CD274: variants seen among roughly 807,000 people sequenced by gnomAD.
CD274 encodes the protein CD274 molecule, also known as programmed cell death 1 ligand 1.
A neutral mutation model predicts 30.1 loss-of-function variants in CD274; 8 were observed. That is an observed-to-expected ratio of 0.27 (90% CI 0.16 to 0.48). CD274 has a LOEUF of 0.48. Among genes scored for constraint, CD274 ranks in the 20% least tolerant of loss-of-function variants. The pLI is 0.99. For synonymous variants in CD274, 152 were observed against 124.6 expected (o/e 1.22, Z -1.46); for missense variants, 353 against 346.6 (o/e 1.02, Z -0.15).
chr9:5,454,407 C>A (rs1333703629), intron 1 of CD274, among the ~76,000 whole-genome samples: 1 of 152,074 alleles, frequency 6.6e-6, no homozygotes, highest in Non-Finnish European at 1.5e-5. Flanking sequence ...TAAACACACA[C>A]ACACACTTTT....
In CD274 at chr9:5,468,974, A is replaced by C. The variant is rs1819542335; in HGVS notation, c.*1112A>C. The C allele has an allele frequency of 4.3e-6, 1 of 233,050 alleles. No individual in the cohort carries two copies. 14.4% of individuals were successfully genotyped at this position (233,050 alleles called of 1,614,324 possible). A position where few individuals can be genotyped will look rare whatever the true frequency, so the allele number is the denominator to read the frequency against. On this transcript the variant is annotated 3_prime_UTR_variant, in exon 7 of 7. Coordinates refer to ENST00000381577, the MANE Select transcript of CD274 (RefSeq NM_014143.4). ...TCAAGGAGCTCATAGTATAATGAGG[A>C]GATTAACAAGAAAATGTATTATTAC... is the stretch of plus-strand genomic sequence containing the variant.
chr9:5,457,551 A>G (rs917164252), intron 3 of CD274, 131 bp downstream of exon 3: 20 of 696,544 alleles, frequency 2.9e-5, no homozygotes, highest in African/African-American at 2.7e-4. Context: ...CATTCATTCA[A>G]TTCATGAATT....
intron 6 of CD274, among the ~76,000 whole-genome samples, chr9:5,467,195 A>G (rs1439917340): frequency 2.6e-5 from 3 of 116,158 alleles, no homozygotes; most frequent in African/African-American, 7.0e-5. Context: ...ACCCCTTGCC[A>G]TTACCAAAGA....
At chr9:5,456,270 G>C in intron 2 of CD274, 105 bp downstream of exon 2, 1 of 720,122 alleles carries the variant, frequency 1.4e-6, no homozygotes, top group Non-Finnish European at 2.4e-6. Flanking sequence ...CTTATAGAGA[G>C]AACATTCTAT....
At chr9:5,466,721 G>C (rs780501452) in intron 5 of CD274, 49 bp from the exon 6 acceptor site, 3 of 1,363,234 alleles carry the variant, frequency 2.2e-6, no homozygotes, top group Non-Finnish European at 3.1e-6. Context: ...CACTGTATGG[G>C]ATGTAGAGCT....
chr9:5,452,996 A>G (rs1020832831), intron 1 of CD274, among the ~76,000 whole-genome samples: 1 of 151,804 alleles, frequency 6.6e-6, no homozygotes, highest in Non-Finnish European at 1.5e-5. Context: ...CTGTACAGTT[A>G]TAAAATATTT....
intron 1 of CD274, among the ~76,000 whole-genome samples, chr9:5,454,319 G>C (rs1343940559): frequency 6.6e-6 from 1 of 151,682 alleles, no homozygotes; most frequent in Admixed American, 6.6e-5. Context: ...AAACAATAAA[G>C]AGTGAAACCT....
chr9:5,454,017 T>C (rs1819254338), intron 1 of CD274, among the ~76,000 whole-genome samples: 1 of 152,234 alleles, frequency 6.6e-6, no homozygotes, highest in African/African-American at 2.4e-5. Flanking sequence ...TGTAATTCCA[T>C]TATATTACTT....
At chr9:5,450,647 A>T (rs1307995168) in intron 1 of CD274, 51 bp downstream of exon 1, 1 of 152,208 alleles carries the variant, frequency 6.6e-6, no homozygotes, top group Non-Finnish European at 1.5e-5. Flanking sequence ...ATCTCTGGCT[A>T]GCTCGCTGGG....
rs1328084621 is a variant in CD274 at position 5,457,315 on chromosome 9, G to A, written c.289G>A (p.Ala97Thr). Reference sequence around the variant, plus strand: ...GAAGGACCAGCTCTCCCTGGGAAATGCTGCACTTCAGATCACAGATGTGAA... The same window carrying A: ...GAAGGACCAGCTCTCCCTGGGAAATACTGCACTTCAGATCACAGATGTGAA... ...LLKDQLSLGN[A>T]ALQITDVKLQ... The change falls in exon 3 of 7, where the codon GCT becomes ACT. Residue 97 changes from alanine (A) to threonine (T), a missense_variant. Ala to Thr is a moderately conservative substitution (Grantham distance 58, BLOSUM62 0). Coordinates refer to ENST00000381577, the MANE Select transcript of CD274 (RefSeq NM_014143.4). The A allele has an allele frequency of 6.2e-7, 1 of 1,614,112 alleles. No homozygotes were observed. The highest frequency in any genetic ancestry group is 1.7e-5 in the Admixed American group (1 of 59,966).
At chr9:5,456,286 C>A in intron 2 of CD274, 121 bp downstream of exon 2, 2 of 646,822 alleles carry the variant, frequency 3.1e-6, no homozygotes, top group Non-Finnish European at 2.7e-6. Context: ...TCTATTCTTT[C>A]TTCTACTTTA....
At position 5,469,701 on chromosome 9, in the gene CD274, A is replaced by G. The variant is rs910660811; in HGVS notation, c.*1839A>G. ...TATATGTTAAATATGTCCTACATAT[A>G]CATTTAGACAACCACCATTTGTTAA... is the stretch of plus-strand genomic sequence containing the variant. On this transcript the variant is annotated 3_prime_UTR_variant, in exon 7 of 7. Transcript: ENST00000381577. 1 of 232,478 alleles carries G rather than the reference A, an allele frequency of 4.3e-6. No homozygotes were observed. The highest frequency in any genetic ancestry group is 2.2e-5 in the African/African-American group (1 of 45,314). 14.4% of individuals were successfully genotyped at this position (232,478 alleles called of 1,614,324 possible).
intron 3 of CD274, among the ~76,000 whole-genome samples, chr9:5,461,735 T>C (rs1022445985): frequency 2.6e-5 from 4 of 152,152 alleles, no homozygotes; most frequent in African/African-American, 9.6e-5. Context: ...ATAGGTGCAC[T>C]AAACAATCTA....
At chr9:5,455,563 G>A (rs1819286352) in intron 1 of CD274, among the ~76,000 whole-genome samples, 1 of 152,154 alleles carries the variant, frequency 6.6e-6, no homozygotes, top group African/African-American at 2.4e-5. Context: ...AGTGAGAGGG[G>A]CAGAAGAGGA....
rs1044054717 is a variant in CD274 at position 5,470,173 on chromosome 9, T to G, written c.*2311T>G. The stretch of plus-strand genomic sequence containing the variant: ...CCTTGGCTTTGCCACATGTCAAGGC[T>G]GAAGAAACAGTGTCTCCAACAGAGC... On this transcript the variant is annotated 3_prime_UTR_variant, in exon 7 of 7. Coordinates refer to ENST00000381577, the MANE Select transcript of CD274 (RefSeq NM_014143.4). 4.3e-6 allele frequency: 1 copy of G among 232,930 alleles called. No homozygotes were observed. Among genetic ancestry groups the G allele is most frequent in the African/African-American group, 2.2e-5 (1 of 45,334 alleles). 14.4% of individuals were successfully genotyped at this position (232,930 alleles called of 1,614,324 possible). A position where few individuals can be genotyped will look rare whatever the true frequency, so the allele number is the denominator to read the frequency against.
At position 5,457,336 on chromosome 9, in the gene CD274, G is replaced by C. The variant is rs2131212562; in HGVS notation, c.310G>C (p.Val104Leu). The C allele has an allele frequency of 6.2e-7, 1 of 1,614,116 alleles. No individual in the cohort carries two copies. Among genetic ancestry groups the C allele is most frequent in the Non-Finnish European group, 8.5e-7 (1 of 1,180,000 alleles). Residue 104 changes from valine (V) to leucine (L), a missense_variant, in exon 3 of 7, where the codon GTG (valine) becomes CTG (leucine). By Grantham distance (32) the Val-to-Leu change is conservative. Transcript: ENST00000381577. ...AAATGCTGCACTTCAGATCACAGAT[G>C]TGAAATTGCAGGATGCAGGGGTGTA... Reference protein sequence around the residue: ...LGNAALQITDVKLQDAGVYRC... With the variant: ...LGNAALQITDLKLQDAGVYRC...
chr9:5,452,270 G>A (rs1174641811), intron 1 of CD274, among the ~76,000 whole-genome samples: 1 of 152,122 alleles, frequency 6.6e-6, no homozygotes, highest in African/African-American at 2.4e-5. Flanking sequence ...GCCTGCCTCG[G>A]CCTCCCAAAG....
chr9:5,462,068 T>C (rs1819413683), intron 3 of CD274, among the ~76,000 whole-genome samples: 1 of 152,198 alleles, frequency 6.6e-6, no homozygotes, highest in South Asian at 2.1e-4. Context: ...GTAAGGAGTA[T>C]ACAGTAACTC....
rs567196160 is a variant in CD274 at position 5,454,835 on chromosome 9, TGTG to T, written c.-14-1262_-14-1260del. On this transcript the variant is annotated intron_variant, in intron 1 of 6. Coordinates refer to ENST00000381577, the MANE Select transcript of CD274 (RefSeq NM_014143.4). ...ACTAAATATTAGAAATATTTACAATTGTGGTCAAGCTCATAAGTGAAAATGGTA... is the reference window on the plus strand; with the variant it reads ...ACTAAATATTAGAAATATTTACAATTGTCAAGCTCATAAGTGAAAATGGTA... 1.1e-4 allele frequency among the ~76,000 whole-genome samples: 17 copies of T among 152,300 alleles called. No individual in the cohort carries two copies. In the South Asian group the frequency reaches 3.5e-3, roughly 32 times the overall value.
Sources: allele counts gnomAD v4.1 joint callset (sites outside exome capture counted in the v4.1 genomes callset), GRCh38; gene constraint gnomAD v4.1.1; transcripts MANE v1.5; gene names NCBI Gene and HGNC (gene_info 2026-07-23, HGNC 2026-07-21).